CDH4: variants seen among roughly 807,000 people sequenced by gnomAD.
The protein encoded by CDH4 is cadherin-4.
CDH4 carries 33 observed loss-of-function variants against 86.0 expected under a neutral mutation model. That is an observed-to-expected ratio of 0.38 (90% CI 0.29 to 0.51). The LOEUF is 0.51. CDH4 is among the 20% of genes least tolerant of loss of function. The pLI, the probability that CDH4 is intolerant of heterozygous loss-of-function variation, is 0.86. For synonymous variants in CDH4, 555 were observed against 549.4 expected, an observed-to-expected ratio of 1.01 and a Z score of -0.14; for missense variants, 1,114 against 1,307.4, an observed-to-expected ratio of 0.85 and a Z score of 2.28.
In CDH4 at chr20:61,403,747, G is replaced by A. The variant is rs561325294; in HGVS notation, c.169+148810G>A. On this transcript the variant is annotated intron_variant, in intron 2 of 15. Transcript: ENST00000614565. ...GAACTCCGTGTGTATTCCTGATTTCGCACGGGACAATTTTTTTTGGCACAG... is the reference window on the plus strand; with the variant it reads ...GAACTCCGTGTGTATTCCTGATTTCACACGGGACAATTTTTTTTGGCACAG... Among the ~76,000 whole-genome samples, 9 of 152,162 alleles carry A rather than the reference G, an allele frequency of 5.9e-5. 1 individual carries two copies. In the South Asian group the frequency reaches 1.7e-3, roughly 28 times the overall value.
At chr20:61,254,692 C>T (rs974227760) in intron 1 of CDH4, 134 bp from the exon 2 acceptor site, 5 of 687,660 alleles carry the variant, frequency 7.3e-6, no homozygotes, top group Non-Finnish European at 1.3e-5. Context: ...GGTATCGCGT[C>T]TGGGTGGAGA....
At chr20:61,255,168 CTG>C (rs1195428878) in intron 2 of CDH4, among the ~76,000 whole-genome samples, 6 of 152,234 alleles carry the variant, frequency 3.9e-5, no homozygotes, top group African/African-American at 1.2e-4. Flanking sequence ...GGGCAGCAAA[CTG>C]TAATTCGGAT....
At chr20:61,303,827 G>A (rs571372353) in intron 2 of CDH4, among the ~76,000 whole-genome samples, 2 of 152,254 alleles carry the variant, frequency 1.3e-5, no homozygotes, top group Non-Finnish European at 2.9e-5. Context: ...GTCCAGTGGG[G>A]CAAGCTGGAA....
intron 2 of CDH4, among the ~76,000 whole-genome samples, chr20:61,387,343 C>A (rs1421486239): frequency 6.6e-6 from 1 of 151,838 alleles, no homozygotes; most frequent in African/African-American, 2.4e-5. Context: ...CACAGAGGCA[C>A]ACATACAGCT....
chr20:61,335,355 C>G (rs2084611524), intron 2 of CDH4, among the ~76,000 whole-genome samples: 1 of 152,146 alleles, frequency 6.6e-6, no homozygotes, highest in Non-Finnish European at 1.5e-5. Context: ...AGATTACAGG[C>G]AAAGGGATGT....
intron 2 of CDH4, among the ~76,000 whole-genome samples, chr20:61,500,597 G>A (rs1168219718): frequency 6.6e-6 from 1 of 152,196 alleles, no homozygotes; most frequent in Non-Finnish European, 1.5e-5. Context: ...TGCAATGTGT[G>A]CTCTTTCCTC....
chr20:61,351,429 G>C (rs1031139061), intron 2 of CDH4, among the ~76,000 whole-genome samples: 1 of 152,190 alleles, frequency 6.6e-6, no homozygotes, highest in Non-Finnish European at 1.5e-5. Context: ...TGGCATGCAC[G>C]GTGGTAGGTC....
chr20:61,806,793 CCA>C (rs1338465155), intron 4 of CDH4, among the ~76,000 whole-genome samples: 2 of 152,132 alleles, frequency 1.3e-5, no homozygotes, highest in Non-Finnish European at 2.9e-5. Context: ...GCATGTTTTG[CCA>C]CACACATGTG....
intron 6 of CDH4, among the ~76,000 whole-genome samples, chr20:61,863,152 C>T (rs1600720276): frequency 1.3e-5 from 2 of 152,230 alleles, no homozygotes; most frequent in African/African-American, 4.8e-5. Context: ...CGCATGGCAG[C>T]GTTGGTACAT....
intron 2 of CDH4, among the ~76,000 whole-genome samples, chr20:61,360,685 C>T (rs1247095892): frequency 6.6e-6 from 1 of 152,104 alleles, no homozygotes; most frequent in Non-Finnish European, 1.5e-5. Context: ...CCTTACGGTT[C>T]CACTCTGAAC....
intron 7 of CDH4, among the ~76,000 whole-genome samples, chr20:61,877,509 G>A (rs1013732997): frequency 5.9e-5 from 9 of 152,292 alleles, no homozygotes; most frequent in East Asian, 1.9e-4. Context: ...CTGGTGTTGC[G>A]GGCGCTGGCG....
chr20:61,418,745 T>C (rs2085160975), intron 2 of CDH4, among the ~76,000 whole-genome samples: 1 of 152,034 alleles, frequency 6.6e-6, no homozygotes, highest in Non-Finnish European at 1.5e-5. Context: ...GAGATGGAGG[T>C]ATGGACAGGG....
intron 2 of CDH4, among the ~76,000 whole-genome samples, chr20:61,435,300 G>A (rs1223740860): frequency 2.0e-5 from 3 of 152,242 alleles, no homozygotes; most frequent in Admixed American, 1.3e-4. Flanking sequence ...CAGGGGCAAC[G>A]TAACCTGCCC....
At chr20:61,647,880 A>G (rs1196523772) in intron 2 of CDH4, among the ~76,000 whole-genome samples, 2 of 152,174 alleles carry the variant, frequency 1.3e-5, no homozygotes, top group African/African-American at 2.4e-5. Context: ...CCATTATCAG[A>G]AGCACAAACC....
chr20:61,285,173 C>G lies in CDH4; in HGVS notation c.169+30236C>G, dbSNP rs537477077. ...GGCTCTAACAGCCTCTTTGGCCCTCCTAGTGGCATTATAAAGTTTGGCGTT... is the reference window on the plus strand; with the variant it reads ...GGCTCTAACAGCCTCTTTGGCCCTCGTAGTGGCATTATAAAGTTTGGCGTT... On this transcript the variant is annotated intron_variant, in intron 2 of 15. Transcript: ENST00000614565. Among the ~76,000 whole-genome samples the G allele has an allele frequency of 4.6e-5, 7 of 152,328 alleles. No homozygotes were observed. In the East Asian group the frequency reaches 1.2e-3, roughly 25 times the overall value.
chr20:61,656,128 C>T (rs1027738629), intron 2 of CDH4, among the ~76,000 whole-genome samples: 3 of 152,184 alleles, frequency 2.0e-5, no homozygotes, highest in Non-Finnish European at 4.4e-5. Flanking sequence ...AGACGAACCA[C>T]CCACCGTGCT....
intron 2 of CDH4, among the ~76,000 whole-genome samples, chr20:61,361,465 G>C (rs865885544): frequency 1.3e-4 from 20 of 152,250 alleles, no homozygotes; most frequent in Middle Eastern, 6.8e-3. Context: ...GGATGGGGAG[G>C]GGGATACAGC....
intron 2 of CDH4, among the ~76,000 whole-genome samples, chr20:61,439,274 G>C (rs1309121388): frequency 1.3e-5 from 2 of 152,192 alleles, no homozygotes; most frequent in Non-Finnish European, 2.9e-5. Context: ...TTGTACTGCA[G>C]TGTGCATTTC....
chr20:61,254,338 C>T (rs1307753249), intron 1 of CDH4, among the ~76,000 whole-genome samples: 1 of 152,228 alleles, frequency 6.6e-6, no homozygotes, highest in Non-Finnish European at 1.5e-5. Context: ...TCTCCTCTTT[C>T]TCCTCCCTCC....
Sources: gnomAD v4.1 joint callset for allele counts (sites outside exome capture counted in the v4.1 genomes callset) on GRCh38, gnomAD v4.1.1 for gene constraint, MANE v1.5 for transcripts, NCBI Gene and HGNC (gene_info 2026-07-23, HGNC 2026-07-21) for gene names.